CA10: variants seen among roughly 807,000 people sequenced by gnomAD.
CA10 encodes carbonic anhydrase 10 (inactive), also known as carbonic anhydrase-related protein 10.
CA10 carries 14 observed loss-of-function variants against 44.2 expected under a neutral mutation model. The observed-to-expected ratio is 0.32, with a 90% confidence interval of 0.21 to 0.50. The LOEUF (loss-of-function observed/expected upper bound fraction) is 0.50. Ranked by LOEUF, CA10 falls within the 20% of genes least tolerant of loss-of-function variation. The pLI is 0.99. For missense variants in CA10, 350 were observed against 409.7 expected, an observed-to-expected ratio of 0.85 and a Z score of 1.26; for synonymous variants, 159 against 141.6, an observed-to-expected ratio of 1.12 and a Z score of -0.87.
intron 1 of CA10, among the ~76,000 whole-genome samples, chr17:52,103,867 C>T (rs946937462): frequency 1.3e-5 from 2 of 152,178 alleles, no homozygotes; most frequent in African/African-American, 4.8e-5. Context: ...CTGGCATGGG[C>T]GCTGCCTCAC....
intron 2 of CA10, among the ~76,000 whole-genome samples, chr17:52,067,056 T>A (rs1987556535): frequency 6.6e-6 from 1 of 152,214 alleles, no homozygotes; most frequent in Non-Finnish European, 1.5e-5. Context: ...TGAGGAGAAA[T>A]TCAAGCTGGC....
At chr17:51,889,533 AAAACCAAACC>A (rs1209377356) in intron 3 of CA10, among the ~76,000 whole-genome samples, 3 of 152,152 alleles carry the variant, frequency 2.0e-5, no homozygotes, top group Non-Finnish European at 4.4e-5. Context: ...AAAATAAAAT[AAAACCAAACC>A]AAACCAAACC....
At chr17:51,837,945 T>C (rs1978292588) in intron 3 of CA10, among the ~76,000 whole-genome samples, 2 of 152,206 alleles carry the variant, frequency 1.3e-5, no homozygotes, top group Admixed American at 1.3e-4. Flanking sequence ...TTGTACATTC[T>C]CAGACTCTGA....
At chr17:51,989,001 T>A (rs1235711121) in intron 2 of CA10, among the ~76,000 whole-genome samples, 1 of 152,052 alleles carries the variant, frequency 6.6e-6, no homozygotes, top group East Asian at 1.9e-4. Flanking sequence ...GACAGTTACA[T>A]GTGGCTAGTA....
At chr17:51,756,800 G>T (rs1905093969) in intron 3 of CA10, among the ~76,000 whole-genome samples, 1 of 152,128 alleles carries the variant, frequency 6.6e-6, no homozygotes, top group Admixed American at 6.5e-5. Flanking sequence ...TTTTTAAAAA[G>T]CTTCTGGGGT....
intron 4 of CA10, among the ~76,000 whole-genome samples, chr17:51,703,684 G>A (rs1385426851): frequency 2.6e-5 from 4 of 152,194 alleles, no homozygotes; most frequent in South Asian, 4.1e-4. Flanking sequence ...CAAGAGTCGT[G>A]AGGTGGCAAA....
intron 3 of CA10, among the ~76,000 whole-genome samples, chr17:51,849,202 TATG>T (rs1191540782): frequency 2.1e-5 from 1 of 47,110 alleles, no homozygotes; most frequent in African/African-American, 1.5e-4. Context: ...TATATACATA[TATG>T]TATATATATA....
At chr17:51,744,766 G>A (rs1904613960) in intron 4 of CA10, among the ~76,000 whole-genome samples, 1 of 152,104 alleles carries the variant, frequency 6.6e-6, no homozygotes, top group Non-Finnish European at 1.5e-5. Context: ...TTGGCCATAG[G>A]TGTCTTCCCT....
At chr17:52,142,598 A>C (rs950696056) in intron 1 of CA10, among the ~76,000 whole-genome samples, 1 of 152,154 alleles carries the variant, frequency 6.6e-6, no homozygotes, top group African/African-American at 2.4e-5. Flanking sequence ...TATATATATA[A>C]AATTACAGCA....
intron 3 of CA10, among the ~76,000 whole-genome samples, chr17:51,838,720 A>G (rs1042892760): frequency 6.6e-6 from 1 of 152,244 alleles, no homozygotes; most frequent in South Asian, 2.1e-4. Context: ...CTCTATATAC[A>G]TACCCTGTAC....
At chr17:51,797,019 A>T (rs1046464121) in intron 3 of CA10, among the ~76,000 whole-genome samples, 1 of 152,032 alleles carries the variant, frequency 6.6e-6, no homozygotes, top group Non-Finnish European at 1.5e-5. Context: ...TCTCATACAC[A>T]CTTAGATTTC....
intron 2 of CA10, among the ~76,000 whole-genome samples, chr17:51,933,712 G>C (rs1982753194): frequency 6.6e-6 from 1 of 152,012 alleles, no homozygotes; most frequent in Admixed American, 6.6e-5. Flanking sequence ...ATGCTTGCAG[G>C]GCTCTCCCTA....
At chr17:52,136,424 G>T (rs549329168) in intron 1 of CA10, among the ~76,000 whole-genome samples, 1 of 152,242 alleles carries the variant, frequency 6.6e-6, no homozygotes, top group African/African-American at 2.4e-5. Flanking sequence ...TCAACAGGAC[G>T]GCTGAGAGGT....
chr17:52,079,354 G>C (rs950719980), intron 1 of CA10, among the ~76,000 whole-genome samples: 5 of 152,054 alleles, frequency 3.3e-5, no homozygotes, highest in Non-Finnish European at 7.4e-5. Flanking sequence ...AGCTACTTGG[G>C]AGGCTGAGGC....
chr17:52,124,088 A>C (rs1989069910), intron 1 of CA10, among the ~76,000 whole-genome samples: 1 of 152,124 alleles, frequency 6.6e-6, no homozygotes, highest in African/African-American at 2.4e-5. Flanking sequence ...TACAACCTTA[A>C]CCACACTCAT....
chr17:52,050,895 C>T (rs1317174283), intron 2 of CA10, among the ~76,000 whole-genome samples: 1 of 151,716 alleles, frequency 6.6e-6, no homozygotes, highest in Non-Finnish European at 1.5e-5. Context: ...GCTGAGAGGA[C>T]AAGACCATAT....
intron 3 of CA10, among the ~76,000 whole-genome samples, chr17:51,772,420 T>C (rs1905646160): frequency 6.6e-6 from 1 of 152,212 alleles, no homozygotes; most frequent in African/African-American, 2.4e-5. Flanking sequence ...AAAAAAGTGA[T>C]ATAAAATAAG....
chr17:52,005,049 G>C (rs1025469885), intron 2 of CA10, among the ~76,000 whole-genome samples: 2 of 151,736 alleles, frequency 1.3e-5, no homozygotes, highest in Non-Finnish European at 2.9e-5. Flanking sequence ...AACTTCAATC[G>C]TATATTAGCA....
rs181020552 is a variant in CA10 at position 51,889,358 on chromosome 17, C to T, written c.279+41632G>A. Among the ~76,000 whole-genome samples the T allele has an allele frequency of 3.0e-3, 461 of 152,014 alleles. 4 individuals carry two copies. Among genetic ancestry groups the T allele is most frequent in the Non-Finnish European group, 4.8e-3 (325 of 67,972 alleles). On this transcript the variant is annotated intron_variant, in intron 3 of 8. Transcript: ENST00000451037. ...GCAATGTGGTGAAATCCTGTCTCTACGAAAAATACAAAAAAATTAGCTAGG... is the reference window on the plus strand; with the variant it reads ...GCAATGTGGTGAAATCCTGTCTCTATGAAAAATACAAAAAAATTAGCTAGG...
Sources: gnomAD v4.1 joint callset for allele counts (sites outside exome capture counted in the v4.1 genomes callset) on GRCh38, gnomAD v4.1.1 for gene constraint, MANE v1.5 for transcripts, NCBI Gene and HGNC (gene_info 2026-07-23, HGNC 2026-07-21) for gene names.